TOP3B: variants seen among roughly 807,000 people sequenced by gnomAD.
TOP3B encodes DNA topoisomerase 3-beta-1.
Under a neutral mutation model 93.9 loss-of-function variants are expected in TOP3B, and 45 were observed. That is an observed-to-expected ratio of 0.48 (90% CI 0.38 to 0.61). The LOEUF (loss-of-function observed/expected upper bound fraction) is 0.61. TOP3B is among the 20% of genes least tolerant of loss of function. The pLI, the probability that TOP3B is intolerant of heterozygous loss-of-function variation, is 0.00. For synonymous variants in TOP3B, 357 were observed against 472.6 expected (o/e 0.76, Z 3.17); for missense variants, 750 against 1,156.1 (o/e 0.65, Z 5.09).
At chr22:21,965,572 A>T (rs559792965) in intron 8 of TOP3B, 197 bp from the exon 9 acceptor site, 166 of 362,436 alleles carry the variant, frequency 4.6e-4, no homozygotes, top group African/African-American at 2.7e-3. Context: ...ATTCTTTTTT[A>T]AAAAAAAATT....
chr22:21,957,822 C>A (rs931347207), intron 17 of TOP3B: 30 of 1,532,992 alleles, frequency 2.0e-5, no homozygotes, highest in Non-Finnish European at 2.4e-5. Flanking sequence ...TCGCTGGCAC[C>A]ATCCCAGTGG....
At chr22:21,973,298 C>T (rs907994325) in intron 3 of TOP3B, 1 of 161,250 alleles carries the variant, frequency 6.2e-6, no homozygotes, top group African/African-American at 2.4e-5. Flanking sequence ...TTTTCTGAGA[C>T]AGGGGTCTCG....
In TOP3B at chr22:21,959,116, T is replaced by A; in HGVS notation, c.1905+16A>T. Reference sequence around the variant, plus strand: ...GGGTGAGGCAGCTTGCCTGAGCTAGTGTTCCCTGCACCTACCTGGATGTAC... The same window carrying A: ...GGGTGAGGCAGCTTGCCTGAGCTAGAGTTCCCTGCACCTACCTGGATGTAC... On this transcript the variant is annotated intron_variant, in intron 16 of 17. Transcript: ENST00000357179. 6.2e-7 allele frequency: 1 copy of A among 1,613,090 alleles called. No homozygotes were observed. Among genetic ancestry groups the A allele is most frequent in the Non-Finnish European group, 8.5e-7 (1 of 1,179,596 alleles).
chr22:21,960,315 AC>A lies in TOP3B; in HGVS notation c.1654+5del. The A allele has an allele frequency of 1.2e-6, 2 of 1,613,096 alleles. No homozygotes were observed. Among genetic ancestry groups the A allele is most frequent in the Non-Finnish European group, 1.7e-6 (2 of 1,179,816 alleles). On this transcript the variant is annotated splice_donor_5th_base_variant and intron_variant, in intron 14 of 17. Transcript: ENST00000357179. ...TGGGCCCTGGGGGCAGGACTGAGGAACTCACCAATCTTATAGTAGCCGTGCA... is the reference window on the plus strand; with the variant it reads ...TGGGCCCTGGGGGCAGGACTGAGGAATCACCAATCTTATAGTAGCCGTGCA...
chr22:21,961,284 C>T (rs143630081), intron 13 of TOP3B: 273 of 152,446 alleles, frequency 1.8e-3, no homozygotes, highest in Non-Finnish European at 3.1e-3. Context: ...GTCTGCCGGG[C>T]GCCATGACGC....
chr22:21,979,878 T>C (rs1007673106), intron 1 of TOP3B, among the ~76,000 whole-genome samples: 6 of 144,024 alleles, frequency 4.2e-5, no homozygotes, highest in Non-Finnish European at 9.2e-5. Flanking sequence ...GAAGCGGAGC[T>C]TGCAGTGAGC....
In TOP3B at chr22:21,970,800, T is replaced by C. The variant is rs566416930; in HGVS notation, c.385-394A>G. ...CCATGTGACACGATTCCCTGCCTTC[T>C]AGGAGGGAGGGTTTGGAGGGGTGGG... is the stretch of plus-strand genomic sequence containing the variant. On this transcript the variant is annotated intron_variant, in intron 5 of 17. Coordinates refer to ENST00000357179, the MANE Select transcript of TOP3B (RefSeq NM_001282112.2). The surrounding 1 kb of genome is among the most constrained non-coding windows in gnomAD (Gnocchi z 4.4). 106 of 293,432 alleles carry C rather than the reference T, an allele frequency of 3.6e-4. No individual in the cohort carries two copies. Among genetic ancestry groups the C allele is most frequent in the Middle Eastern group, 1.3e-3 (1 of 772 alleles). The allele number at this position is 293,432 out of a possible 1,614,324, so 18.2% of individuals were successfully genotyped here.
At chr22:21,975,519 T>C in intron 2 of TOP3B, 121 bp downstream of exon 2, 2 of 1,169,572 alleles carry the variant, frequency 1.7e-6, no homozygotes, top group Non-Finnish European at 2.3e-6. Flanking sequence ...AGATGCTTCA[T>C]TACCACCTGC....
chr22:21,968,047 A>G, intron 7 of TOP3B: 1 of 333,472 alleles, frequency 3.0e-6, no homozygotes, highest in East Asian at 7.2e-5. Context: ...GGCCACCGCC[A>G]GGGTCCCAAG....
At chr22:21,959,336 G>A in intron 15 of TOP3B, 104 bp from the exon 16 acceptor site, 2 of 1,552,052 alleles carry the variant, frequency 1.3e-6, no homozygotes, top group Non-Finnish European at 1.7e-6. Context: ...CCTATAGGCG[G>A]TGGTTTCTAC....
At chr22:21,980,677 C>T (rs2084610671) in intron 1 of TOP3B, among the ~76,000 whole-genome samples, 1 of 152,244 alleles carries the variant, frequency 6.6e-6, no homozygotes, top group Admixed American at 6.5e-5. Context: ...TGGCCCATGA[C>T]AGCTCCAGCT....
At chr22:21,972,842 A>G in intron 3 of TOP3B, 124 bp from the exon 4 acceptor site, 3 of 802,232 alleles carry the variant, frequency 3.7e-6, no homozygotes, top group Non-Finnish European at 6.2e-6. Context: ...CAATTTGCCC[A>G]GGGTCATCCT....
chr22:21,957,964 G>A (rs1421658802), intron 17 of TOP3B: 1 of 1,392,864 alleles, frequency 7.2e-7, no homozygotes. Context: ...GGGCAGGGAT[G>A]GGGTCTCACT....
At chr22:21,981,620 A>G (rs577771577) in intron 1 of TOP3B, among the ~76,000 whole-genome samples, 1 of 152,262 alleles carries the variant, frequency 6.6e-6, no homozygotes, top group African/African-American at 2.4e-5. Flanking sequence ...AACATGGTGA[A>G]GCCTGGTCTC....
chr22:21,959,350 C>T, intron 15 of TOP3B, 118 bp from the exon 16 acceptor site: 1 of 1,523,514 alleles, frequency 6.6e-7, no homozygotes, highest in Non-Finnish European at 8.8e-7. Flanking sequence ...TTTCTACTGT[C>T]CTGGCAGCAC....
chr22:21,970,112 G>T lies in TOP3B; in HGVS notation c.581+98C>A. On this transcript the variant is annotated intron_variant, in intron 6 of 17. Coordinates refer to ENST00000357179, the MANE Select transcript of TOP3B (RefSeq NM_001282112.2). The surrounding 1 kb of genome is among the most constrained non-coding windows in gnomAD (Gnocchi z 4.4). ...AATCCCCTGTTGCTCATCCTGGCTC[G>T]AGGAGGCCTAGGGGCCCCGGAGGGG... 7.1e-7 allele frequency: 1 copy of T among 1,400,590 alleles called. No homozygotes were observed. Among genetic ancestry groups the T allele is most frequent in the Non-Finnish European group, 9.7e-7 (1 of 1,029,976 alleles). The allele number at this position is 1,400,590 out of a possible 1,614,324, so 86.8% of individuals were successfully genotyped here.
rs1418749336 is a variant in TOP3B at position 21,975,771 on chromosome 22, C to T, written c.-62G>A. The stretch of plus-strand genomic sequence containing the variant: ...TGGCAATGAAAAAGTTTAGACTCCA[C>T]TCTTCCGCAGCACAGCACTATTACC... On this transcript the variant is annotated 5_prime_UTR_variant, in exon 2 of 18. It adds an upstream start codon to the 5' untranslated region. Transcript: ENST00000357179. 4.8e-5 allele frequency: 75 copies of T among 1,568,874 alleles called. 1 individual carries two copies. Among genetic ancestry groups the T allele is most frequent in the Non-Finnish European group, 6.4e-5 (74 of 1,153,226 alleles).
intron 14 of TOP3B, chr22:21,960,014 C>T (rs1245621997): frequency 1.6e-6 from 1 of 617,870 alleles, no homozygotes; most frequent in Non-Finnish European, 2.8e-6. Context: ...CGCCCTTGGG[C>T]CAGTTTTGTG....
rs559403476 is a variant in TOP3B at position 21,970,089 on chromosome 22, T to C, written c.581+121A>G. 19 of 1,110,966 alleles carry C rather than the reference T, an allele frequency of 1.7e-5. No individual in the cohort carries two copies. The East Asian group carries it at 4.3e-4, about 25-fold the overall frequency. 68.8% of individuals were successfully genotyped at this position (1,110,966 alleles called of 1,614,324 possible). A position where few individuals can be genotyped will look rare whatever the true frequency, so the allele number is the denominator to read the frequency against. On this transcript the variant is annotated intron_variant, in intron 6 of 17. Coordinates refer to ENST00000357179, the MANE Select transcript of TOP3B (RefSeq NM_001282112.2). The surrounding 1 kb of genome is among the most constrained non-coding windows in gnomAD (Gnocchi z 4.4). ...CTGGCCTTCTTCAGGGTTGGTGAAA[T>C]CCCCTGTTGCTCATCCTGGCTCGAG...
Sources: gnomAD v4.1 joint callset for allele counts (sites outside exome capture counted in the v4.1 genomes callset) on GRCh38, gnomAD v4.1.1 for gene constraint, Gnocchi (gnomAD v3.1) non-coding constraint, MANE v1.5 for transcripts, NCBI Gene and HGNC (gene_info 2026-07-23, HGNC 2026-07-21) for gene names.